Variants in TBC1D5 observed in about 807,000 individuals in gnomAD.
TBC1D5 encodes the protein TBC1 domain family, member 5.
A neutral mutation model predicts 100.3 loss-of-function variants in TBC1D5; 75 were observed. The observed-to-expected ratio is 0.75, with a 90% CI of 0.62 to 0.91. The LOEUF (loss-of-function observed/expected upper bound fraction) is 0.91, where lower values mean the gene tolerates loss of function less well. TBC1D5 is among the 40% of genes least tolerant of loss of function. The pLI is 0.00. For synonymous variants in TBC1D5, 323 were observed against 325.6 expected (o/e 0.99, Z 0.09); for missense variants, 910 against 942.4 (o/e 0.97, Z 0.45).
chr3:17,618,618 C>T (rs1480050416), intron 2 of TBC1D5, among the ~76,000 whole-genome samples: 1 of 152,220 alleles, frequency 6.6e-6, no homozygotes, highest in Non-Finnish European at 1.5e-5. Context: ...GGGGACGCCC[C>T]TCCCCCAGCC....
At chr3:17,696,317 T>G (rs1320555389) in intron 1 of TBC1D5, among the ~76,000 whole-genome samples, 1 of 152,130 alleles carries the variant, frequency 6.6e-6, no homozygotes, top group African/African-American at 2.4e-5. Flanking sequence ...AAGAGCTGGT[T>G]TTTTGAAAAG....
At chr3:17,296,275 T>C (rs2082248947) in intron 14 of TBC1D5, among the ~76,000 whole-genome samples, 1 of 152,256 alleles carries the variant, frequency 6.6e-6, no homozygotes, top group Non-Finnish European at 1.5e-5. Flanking sequence ...TCATAGTTAA[T>C]TGTACTTGAC....
At chr3:17,535,254 TC>T (rs1445331053) in intron 2 of TBC1D5, among the ~76,000 whole-genome samples, 1 of 152,142 alleles carries the variant, frequency 6.6e-6, no homozygotes, top group Non-Finnish European at 1.5e-5. Context: ...TCCAACTAAA[TC>T]CATTCACAAA....
At chr3:17,332,577 A>T (rs2087023194) in intron 13 of TBC1D5, among the ~76,000 whole-genome samples, 1 of 152,074 alleles carries the variant, frequency 6.6e-6, no homozygotes, top group Non-Finnish European at 1.5e-5. Context: ...AAGGTCTGAG[A>T]ACTGAGTCCT....
At chr3:17,253,201 A>C (rs1223247612) in intron 16 of TBC1D5, among the ~76,000 whole-genome samples, 2 of 152,212 alleles carry the variant, frequency 1.3e-5, no homozygotes, top group Non-Finnish European at 2.9e-5. Flanking sequence ...TTATTGCTAA[A>C]TTACATTAAA....
intron 2 of TBC1D5, among the ~76,000 whole-genome samples, chr3:17,519,863 A>C (rs2096043474): frequency 1.3e-5 from 2 of 152,208 alleles, no homozygotes; most frequent in African/African-American, 4.8e-5. Flanking sequence ...CTATGCCATA[A>C]ATAAGACCTA....
intron 3 of TBC1D5, among the ~76,000 whole-genome samples, chr3:17,477,605 C>A (rs2095453277): frequency 6.6e-6 from 1 of 151,914 alleles, no homozygotes; most frequent in Non-Finnish European, 1.5e-5. Context: ...CATTGTATGT[C>A]CGTTATAAAA....
chr3:17,178,718 G>A (rs2068095150), intron 19 of TBC1D5, among the ~76,000 whole-genome samples: 1 of 152,054 alleles, frequency 6.6e-6, no homozygotes, highest in Non-Finnish European at 1.5e-5. Flanking sequence ...AGTGGCATGA[G>A]CATCCGCCAC....
chr3:17,366,438 T>G (rs9870741), intron 13 of TBC1D5, among the ~76,000 whole-genome samples: 39,496 of 152,122 alleles, frequency 0.26, 5,512 homozygotes, highest in Middle Eastern at 0.32. Context: ...TTCCCCATAA[T>G]TCTTAATCAG....
intron 13 of TBC1D5, among the ~76,000 whole-genome samples, chr3:17,317,925 C>T (rs925113567): frequency 1.3e-5 from 2 of 151,938 alleles, no homozygotes; most frequent in African/African-American, 4.8e-5. Flanking sequence ...GACACATGCA[C>T]ACGTATGTTT....
intron 2 of TBC1D5, among the ~76,000 whole-genome samples, chr3:17,555,203 C>G (rs1405577395): frequency 6.6e-6 from 1 of 151,944 alleles, no homozygotes; most frequent in Non-Finnish European, 1.5e-5. Flanking sequence ...ACTCTGTAAT[C>G]CAAAATGTAT....
intron 9 of TBC1D5, among the ~76,000 whole-genome samples, chr3:17,379,049 A>T (rs1475081539): frequency 3.3e-5 from 5 of 151,824 alleles, no homozygotes; most frequent in Non-Finnish European, 5.9e-5. Flanking sequence ...ACCATTATAA[A>T]GATTCGACCT....
intron 9 of TBC1D5, among the ~76,000 whole-genome samples, chr3:17,379,795 G>C (rs1307543652): frequency 6.6e-6 from 1 of 151,750 alleles, no homozygotes; most frequent in Non-Finnish European, 1.5e-5. Context: ...TTATAAATTA[G>C]GCACACTAAG....
intron 1 of TBC1D5, among the ~76,000 whole-genome samples, chr3:17,646,390 A>G (rs1472084073): frequency 6.6e-6 from 1 of 152,064 alleles, no homozygotes. Context: ...GCATCCCTAA[A>G]AAACTAAACA....
intron 13 of TBC1D5, among the ~76,000 whole-genome samples, chr3:17,366,156 T>C (rs1036727678): frequency 6.6e-6 from 1 of 151,988 alleles, no homozygotes; most frequent in Non-Finnish European, 1.5e-5. Flanking sequence ...CTGGGCATGG[T>C]GACAGGTGCC....
chr3:17,219,133 T>C (rs1209386586), intron 17 of TBC1D5, among the ~76,000 whole-genome samples: 1 of 151,628 alleles, frequency 6.6e-6, no homozygotes, highest in African/African-American at 2.4e-5. Flanking sequence ...AACTGGATAA[T>C]TTCAGTTGAC....
intron 21 of TBC1D5, among the ~76,000 whole-genome samples, chr3:17,165,996 A>G (rs2066552517): frequency 6.6e-6 from 1 of 152,152 alleles, no homozygotes; most frequent in African/African-American, 2.4e-5. Flanking sequence ...CACATAAGGA[A>G]GCTGTAGGAA....
intron 2 of TBC1D5, among the ~76,000 whole-genome samples, chr3:17,535,962 GT>G (rs1389042248): frequency 1.3e-5 from 2 of 152,020 alleles, no homozygotes; most frequent in Non-Finnish European, 2.9e-5. Context: ...GATTGTACAA[GT>G]ACCCACTAAC....
intron 2 of TBC1D5, among the ~76,000 whole-genome samples, chr3:17,526,381 T>C (rs2096135947): frequency 6.6e-6 from 1 of 151,896 alleles, no homozygotes; most frequent in Non-Finnish European, 1.5e-5. Context: ...CCAGGCTCGG[T>C]TAATTTCTTT....
Sources: gnomAD v4.1 joint callset for allele counts (sites outside exome capture counted in the v4.1 genomes callset) on GRCh38, gnomAD v4.1.1 for gene constraint, MANE v1.5 for transcripts, NCBI Gene and HGNC (gene_info 2026-07-23, HGNC 2026-07-21) for gene names.